The following AKAP12 variants were observed in gnomAD, a reference collection of about 807,000 sequenced individuals.
AKAP12 encodes the protein A-kinase anchor protein 12.
In AKAP12, 32 loss-of-function variants were observed where a neutral mutation model predicts 79.9. The observed-to-expected ratio is 0.40, with a 90% CI of 0.30 to 0.54. The LOEUF (loss-of-function observed/expected upper bound fraction) is 0.54. Among genes scored for constraint, AKAP12 ranks in the 20% least tolerant of loss-of-function variants. The pLI is 0.48. For missense variants in AKAP12, 2,074 were observed against 2,177.0 expected (o/e 0.95, Z 0.94); for synonymous variants, 808 against 857.0 (o/e 0.94, Z 1.00).
In AKAP12 at chr6:151,351,653, A is replaced by G; in HGVS notation, c.3262A>G (p.Lys1088Glu). The change falls in exon 4 of 5, where the codon AAA becomes GAA. Residue 1088 changes from lysine to glutamate, a missense_variant. Physicochemically the swap from Lys to Glu is moderately conservative, Grantham distance 56 (BLOSUM62 1). Around this residue, in one of 3 missense-constraint regions of AKAP12, gnomAD observed 1,428 missense variants for 1,451.0 expected, o/e 0.98. Coordinates refer to ENST00000402676, the MANE Select transcript of AKAP12 (RefSeq NM_005100.4). The surrounding 1 kb of genome is among the most constrained non-coding windows in gnomAD (Gnocchi z 4.4). ...EEQAEASGLK[K>E]ETDVVLKVDA... Reference sequence around the variant, plus strand: ...GCAGGCTGAAGCGTCGGGTCTGAAGAAAGAGACGGATGTAGTGTTGAAAGT... The same window carrying G: ...GCAGGCTGAAGCGTCGGGTCTGAAGGAAGAGACGGATGTAGTGTTGAAAGT... 6.2e-7 allele frequency: 1 copy of G among 1,614,198 alleles called. No homozygotes were observed. Among genetic ancestry groups the G allele is most frequent in the Non-Finnish European group, 8.5e-7 (1 of 1,180,044 alleles).
At chr6:151,255,117 TAC>T (rs1797266003) in intron 2 of AKAP12, among the ~76,000 whole-genome samples, 1 of 152,022 alleles carries the variant, frequency 6.6e-6, no homozygotes, top group Non-Finnish European at 1.5e-5. Context: ...AAAATGAAGT[TAC>T]AGTTATAGGC....
intron 3 of AKAP12, among the ~76,000 whole-genome samples, chr6:151,307,069 T>C (rs1024835467): frequency 6.6e-6 from 1 of 152,190 alleles, no homozygotes; most frequent in African/African-American, 2.4e-5. Flanking sequence ...GCTGCAGGGT[T>C]CAGGTGGAGC....
At chr6:151,257,368 C>T (rs1293720177) in intron 2 of AKAP12, among the ~76,000 whole-genome samples, 1 of 152,188 alleles carries the variant, frequency 6.6e-6, no homozygotes, top group African/African-American at 2.4e-5. Flanking sequence ...GTGATCTCAA[C>T]TCACTGAAAC....
chr6:151,345,045 T>C (rs1468427100), intron 3 of AKAP12, among the ~76,000 whole-genome samples: 2 of 152,136 alleles, frequency 1.3e-5, no homozygotes, highest in Non-Finnish European at 1.5e-5. Context: ...TATTTATTGC[T>C]GTGTTCTAAG....
chr6:151,324,477 T>A, intron 3 of AKAP12: 3 of 985,460 alleles, frequency 3.0e-6, no homozygotes, highest in Non-Finnish European at 3.6e-6. Flanking sequence ...GACTTCCATT[T>A]TTCCCTGATT....
chr6:151,319,372 G>C (rs924648615), intron 3 of AKAP12, among the ~76,000 whole-genome samples: 8 of 150,572 alleles, frequency 5.3e-5, no homozygotes, highest in Non-Finnish European at 1.0e-4. Flanking sequence ...TTAGATTCAG[G>C]GTGTGTATAG....
chr6:151,352,203 C>A lies in AKAP12; in HGVS notation c.3812C>A (p.Ala1271Asp). 1 of 1,614,156 alleles carries A rather than the reference C, an allele frequency of 6.2e-7. No individual in the cohort carries two copies. Among genetic ancestry groups the A allele is most frequent in the Non-Finnish European group, 8.5e-7 (1 of 1,180,032 alleles). Residue 1271 changes from alanine (A) to aspartate (D), a missense_variant, in exon 4 of 5, where the codon GCT (alanine) becomes GAT (aspartate). Transcript: ENST00000402676. ...TEGTQEADQY[A>D]DEKTKDVPFF... ...GGGACTCAAGAGGCTGACCAGTATG[C>A]TGATGAGAAAACCAAAGACGTACCA...
chr6:151,309,381 T>C (rs1777043271), intron 3 of AKAP12, among the ~76,000 whole-genome samples: 1 of 152,190 alleles, frequency 6.6e-6, no homozygotes, highest in African/African-American at 2.4e-5. Flanking sequence ...AATTTGGTCC[T>C]GCTGTAGATA....
chr6:151,322,750 T>TGCCACTGGGTGTGTCCACCACCCACTCCC (rs1230072263), intron 3 of AKAP12, among the ~76,000 whole-genome samples: 3,485 of 145,602 alleles, frequency 0.024, 126 homozygotes, highest in African/African-American at 0.091. Context: ...CACCCACTCC[T>TGCCACTGGGTGTGTCCACCACCCACTCCC]GCCACTGGGT....
In AKAP12 at chr6:151,352,005, A is replaced by G. The variant is rs1778307156; in HGVS notation, c.3614A>G (p.Gln1205Arg). Residue 1205 changes from glutamine to arginine, a missense_variant, in exon 4 of 5, where the codon CAG becomes CGG. Gln to Arg is a conservative substitution (Grantham distance 43). Around this residue, in one of 3 missense-constraint regions of AKAP12, gnomAD observed 32 missense variants for 60.4 expected, o/e 0.53. Transcript: ENST00000402676. ...HEENEVASGT[Q>R]SGGTEAEAVP... ...GAGAATGAGGTCGCATCTGGTACCC[A>G]GTCAGGGGGCACAGAAGCAGAGGCA... The G allele has an allele frequency of 6.2e-7, 1 of 1,614,108 alleles. No homozygotes were observed. Among genetic ancestry groups the G allele is most frequent in the Non-Finnish European group, 8.5e-7 (1 of 1,180,034 alleles).
chr6:151,313,729 G>A (rs183758570), intron 3 of AKAP12, among the ~76,000 whole-genome samples: 15 of 152,200 alleles, frequency 9.9e-5, no homozygotes, highest in African/African-American at 2.4e-4. Flanking sequence ...TCTCCCCTTC[G>A]TAAATCAACT....
chr6:151,247,199 A>C (rs560563679), intron 2 of AKAP12, among the ~76,000 whole-genome samples: 16 of 152,168 alleles, frequency 1.1e-4, no homozygotes, highest in African/African-American at 3.8e-4. Flanking sequence ...GAGAAAGTTC[A>C]AGAGTGGCCT....
intron 2 of AKAP12, among the ~76,000 whole-genome samples, chr6:151,253,401 T>C (rs928360624): frequency 4.6e-5 from 7 of 152,220 alleles, no homozygotes; most frequent in African/African-American, 1.7e-4. Context: ...TTTTTTTCTT[T>C]TAAAATAAAA....
At chr6:151,302,562 G>T (rs192120339) in intron 2 of AKAP12, among the ~76,000 whole-genome samples, 2 of 151,856 alleles carry the variant, frequency 1.3e-5, no homozygotes, top group East Asian at 3.9e-4. Flanking sequence ...CTTGGATTGG[G>T]CAATTCACAG....
chr6:151,324,489 T>A, intron 3 of AKAP12: 2 of 985,434 alleles, frequency 2.0e-6, no homozygotes, highest in Non-Finnish European at 2.4e-6. Context: ...TCCCTGATTC[T>A]CCTGTTCCTC....
At chr6:151,265,150 C>CA (rs567026860) in intron 2 of AKAP12, among the ~76,000 whole-genome samples, 920 of 68,418 alleles carry the variant, frequency 0.013, 4 homozygotes, top group African/African-American at 0.03. Flanking sequence ...GACTCCGTCT[C>CA]AAAAAAAAAA....
intron 2 of AKAP12, among the ~76,000 whole-genome samples, chr6:151,259,803 C>G (rs934534242): frequency 6.6e-6 from 1 of 151,982 alleles, no homozygotes; most frequent in African/African-American, 2.4e-5. Flanking sequence ...TCTTGAACTC[C>G]TGGCCTCAAG....
chr6:151,249,059 A>C (rs1366628693), intron 2 of AKAP12, among the ~76,000 whole-genome samples: 1 of 151,900 alleles, frequency 6.6e-6, no homozygotes, highest in Admixed American at 6.6e-5. Context: ...GTAGGTGTTC[A>C]GTGAAATGCC....
intron 2 of AKAP12, among the ~76,000 whole-genome samples, chr6:151,257,037 C>A (rs1456688449): frequency 6.6e-6 from 1 of 151,350 alleles, no homozygotes; most frequent in Admixed American, 6.6e-5. Flanking sequence ...TGAAATATGC[C>A]ACAACTTTTT....
Sources: gnomAD v4.1 joint callset for allele counts (sites outside exome capture counted in the v4.1 genomes callset) on GRCh38, gnomAD v4.1.1 for gene constraint, gnomAD v4.1.1 regional missense constraint, Gnocchi (gnomAD v3.1) non-coding constraint, MANE v1.5 for transcripts, NCBI Gene and HGNC (gene_info 2026-07-23, HGNC 2026-07-21) for gene names.